Variants in LYPLAL1 observed in about 807,000 individuals in gnomAD.
LYPLAL1 encodes the protein lysophospholipase-like protein 1.
In LYPLAL1, 23 loss-of-function variants were observed where a neutral mutation model predicts 19.7. The observed-to-expected ratio is 1.17, with a 90% CI of 0.84 to 1.65. LYPLAL1 has a LOEUF of 1.65. Ranked by LOEUF, LYPLAL1 falls within the 40% of genes most tolerant of loss-of-function variation. The pLI is 0.00. For synonymous variants in LYPLAL1, 119 were observed against 96.3 expected (o/e 1.24, Z -1.38); for missense variants, 355 against 279.4 (o/e 1.27, Z -1.93).
chr1:219,357,953 GT>G, the LYPLAL1 span, among the ~76,000 whole-genome samples: 1 of 152,138 alleles, frequency 6.6e-6, no homozygotes, highest in African/African-American at 2.4e-5. Flanking sequence ...CATATTATAT[GT>G]TCTTTTTATA....
the LYPLAL1 span, among the ~76,000 whole-genome samples, chr1:219,399,675 G>A: frequency 6.6e-6 from 1 of 152,138 alleles, no homozygotes; most frequent in Non-Finnish European, 1.5e-5. Context: ...GAGCTATAAT[G>A]TGGGCCCCCA....
At chr1:219,320,092 A>G in the LYPLAL1 span, among the ~76,000 whole-genome samples, 1 of 152,232 alleles carries the variant, frequency 6.6e-6, no homozygotes, top group Non-Finnish European at 1.5e-5. Flanking sequence ...CATGTCTGCT[A>G]CAGTCCTTGT....
At chr1:219,249,360 A>G in the LYPLAL1 span, among the ~76,000 whole-genome samples, 1 of 152,046 alleles carries the variant, frequency 6.6e-6, no homozygotes, top group Non-Finnish European at 1.5e-5. Context: ...TTAAAGATTC[A>G]TTCATAATAC....
At chr1:219,174,715 A>T (rs564085437) in intron 1 of LYPLAL1, among the ~76,000 whole-genome samples, 51 of 152,294 alleles carry the variant, frequency 3.3e-4, no homozygotes, top group African/African-American at 1.1e-3. Context: ...TTCCCACTGG[A>T]TTATGAGAGT....
At chr1:219,256,736 T>C in the LYPLAL1 span, among the ~76,000 whole-genome samples, 1 of 152,022 alleles carries the variant, frequency 6.6e-6, no homozygotes, top group Admixed American at 6.6e-5. Flanking sequence ...CTTCTACACA[T>C]GGCTTTAGCT....
chr1:219,178,820 A>G (rs1656024715), intron 1 of LYPLAL1, among the ~76,000 whole-genome samples: 1 of 152,164 alleles, frequency 6.6e-6, no homozygotes. Context: ...ATACAGAAAT[A>G]AAATTTTTTT....
chr1:219,239,799 G>A, the LYPLAL1 span, among the ~76,000 whole-genome samples: 27 of 152,236 alleles, frequency 1.8e-4, no homozygotes, highest in African/African-American at 6.3e-4. Context: ...TTAAATTACA[G>A]CATTTTCCTT....
the LYPLAL1 span, among the ~76,000 whole-genome samples, chr1:219,379,764 A>T: frequency 2.3e-4 from 35 of 152,338 alleles, no homozygotes; most frequent in South Asian, 3.3e-3. Context: ...AGACTACCTT[A>T]ATGGAAGTGC....
the LYPLAL1 span, among the ~76,000 whole-genome samples, chr1:219,341,952 GGAA>G: frequency 6.6e-6 from 1 of 151,956 alleles, no homozygotes; most frequent in Non-Finnish European, 1.5e-5. Flanking sequence ...GTCAGGCTGG[GGAA>G]GAATAACAGG....
the LYPLAL1 span, among the ~76,000 whole-genome samples, chr1:219,434,406 A>T: frequency 1.3e-5 from 2 of 152,308 alleles, no homozygotes; most frequent in East Asian, 3.9e-4. Context: ...CAACGGATTA[A>T]CTTAAGGCTT....
At chr1:219,338,439 T>C in the LYPLAL1 span, among the ~76,000 whole-genome samples, 1 of 152,010 alleles carries the variant, frequency 6.6e-6, no homozygotes, top group African/African-American at 2.4e-5. Flanking sequence ...CTGTTGTTGC[T>C]TAAGTCAGTT....
the LYPLAL1 span, among the ~76,000 whole-genome samples, chr1:219,342,252 G>A: frequency 6.6e-6 from 1 of 152,014 alleles, no homozygotes; most frequent in Admixed American, 6.6e-5. Flanking sequence ...ACTTTGTTCT[G>A]GGTTATCTTT....
chr1:219,408,412 A>G, the LYPLAL1 span, among the ~76,000 whole-genome samples: 1 of 152,106 alleles, frequency 6.6e-6, no homozygotes, highest in Non-Finnish European at 1.5e-5. Flanking sequence ...GGAAGTGGCT[A>G]TGCATGGGAG....
At chr1:219,216,148 A>G (rs1042455068), downstream of LYPLAL1, among the ~76,000 whole-genome samples, 2 of 152,068 alleles carry the variant, frequency 1.3e-5, no homozygotes, top group Non-Finnish European at 2.9e-5. Context: ...ATTTTTCTAT[A>G]TAATAGGCTT....
the LYPLAL1 span, among the ~76,000 whole-genome samples, chr1:219,279,219 G>A: frequency 6.6e-6 from 1 of 152,190 alleles, no homozygotes; most frequent in Non-Finnish European, 1.5e-5. Flanking sequence ...TGTGGGAAGA[G>A]GAATGTGGGT....
At chr1:219,383,356 T>C in the LYPLAL1 span, among the ~76,000 whole-genome samples, 1 of 152,238 alleles carries the variant, frequency 6.6e-6, no homozygotes, top group African/African-American at 2.4e-5. Context: ...AGAAATTGTA[T>C]TGGACTTGTG....
the LYPLAL1 span, among the ~76,000 whole-genome samples, chr1:219,388,467 A>C: frequency 6.6e-6 from 1 of 152,176 alleles, no homozygotes; most frequent in African/African-American, 2.4e-5. Flanking sequence ...CAGGACTAGT[A>C]GAGTCTAATA....
the LYPLAL1 span, among the ~76,000 whole-genome samples, chr1:219,341,678 C>A: frequency 6.6e-6 from 1 of 152,000 alleles, no homozygotes; most frequent in South Asian, 2.1e-4. Flanking sequence ...TTAAAGAATA[C>A]ACTTATCATT....
the LYPLAL1 span, among the ~76,000 whole-genome samples, chr1:219,293,440 TCTCTCTCCCCCCAG>T: frequency 4.6e-5 from 7 of 152,172 alleles, no homozygotes; most frequent in African/African-American, 1.7e-4. Context: ...AAAAATATAG[TCTCTCTCCCCCCAG>T]CTCTCTCCCC....
Sources: allele counts gnomAD v4.1 joint callset (sites outside exome capture counted in the v4.1 genomes callset), GRCh38; gene constraint gnomAD v4.1.1; transcripts MANE v1.5; gene names NCBI Gene and HGNC (gene_info 2026-07-23, HGNC 2026-07-21).